The following PALM2AKAP2 variants were observed in gnomAD, a reference collection of about 807,000 sequenced individuals.
PALM2AKAP2 encodes the protein PALM2-AKAP2 fusion protein.
PALM2AKAP2 carries 37 observed loss-of-function variants against 71.5 expected under a neutral mutation model. That is an observed-to-expected ratio of 0.52 (90% CI 0.40 to 0.68). PALM2AKAP2 has a LOEUF of 0.68. Among genes scored for constraint, PALM2AKAP2 ranks in the 30% least tolerant of loss-of-function variants. The pLI is 0.00. For synonymous variants in PALM2AKAP2, 468 were observed against 478.8 expected, an observed-to-expected ratio of 0.98 and a Z score of 0.29; for missense variants, 1,224 against 1,191.8, an observed-to-expected ratio of 1.03 and a Z score of -0.40.
intron 1 of PALM2AKAP2, among the ~76,000 whole-genome samples, chr9:110,101,863 C>T (rs948263790): frequency 2.6e-5 from 4 of 152,234 alleles, no homozygotes; most frequent in South Asian, 2.1e-4. Flanking sequence ...GACCCACTTA[C>T]GAGGCAGCCT....
At chr9:109,954,131 T>G (rs949909817) in intron 6 of PALM2AKAP2, among the ~76,000 whole-genome samples, 20 of 152,074 alleles carry the variant, frequency 1.3e-4, no homozygotes, top group Non-Finnish European at 2.5e-4. Flanking sequence ...TCCTTCACCA[T>G]TCATAAAAAG....
intron 1 of PALM2AKAP2, among the ~76,000 whole-genome samples, chr9:109,680,440 G>T (rs1463044455): frequency 6.6e-6 from 1 of 152,278 alleles, no homozygotes; most frequent in Non-Finnish European, 1.5e-5. Flanking sequence ...TCAAAGAAAG[G>T]TCTCAAATGT....
At chr9:109,698,502 C>T (rs1412006964) in intron 1 of PALM2AKAP2, among the ~76,000 whole-genome samples, 1 of 152,138 alleles carries the variant, frequency 6.6e-6, no homozygotes, top group Non-Finnish European at 1.5e-5. Flanking sequence ...TGGTCTTGAA[C>T]CCCTGACCTC....
At chr9:109,887,742 A>T (rs72753081) in intron 3 of PALM2AKAP2, among the ~76,000 whole-genome samples, 10,507 of 152,238 alleles carry the variant, frequency 0.069, 506 homozygotes, top group South Asian at 0.19. Flanking sequence ...AAATAATTTT[A>T]AAAAAGTGAA....
intron 6 of PALM2AKAP2, among the ~76,000 whole-genome samples, chr9:109,981,541 T>C (rs558627142): frequency 1.1e-4 from 16 of 152,360 alleles, no homozygotes; most frequent in African/African-American, 3.8e-4. Context: ...CCAATGCTTC[T>C]GAACAGGCTA....
chr9:109,806,834 A>G (rs1827588187), intron 1 of PALM2AKAP2, among the ~76,000 whole-genome samples: 1 of 152,192 alleles, frequency 6.6e-6, no homozygotes, highest in Non-Finnish European at 1.5e-5. Context: ...GCATCTATAT[A>G]CCGTGGTAAG....
At chr9:110,049,556 T>A (rs1833668136) in intron 1 of PALM2AKAP2, among the ~76,000 whole-genome samples, 1 of 151,554 alleles carries the variant, frequency 6.6e-6, no homozygotes, top group Non-Finnish European at 1.5e-5. Context: ...GCAGTTAGAA[T>A]GTGGTATCTT....
At chr9:109,879,450 G>A (rs1033968418) in intron 2 of PALM2AKAP2, among the ~76,000 whole-genome samples, 7 of 152,212 alleles carry the variant, frequency 4.6e-5, no homozygotes, top group African/African-American at 1.2e-4. Flanking sequence ...TAGCCATGAT[G>A]TACAGGGTCA....
intron 2 of PALM2AKAP2, among the ~76,000 whole-genome samples, chr9:109,872,171 A>G (rs1349315761): frequency 2.6e-5 from 4 of 152,168 alleles, no homozygotes; most frequent in Non-Finnish European, 4.4e-5. Flanking sequence ...GTAATATTTC[A>G]TAAGACAAGA....
At chr9:110,123,163 A>G (rs996535849) in intron 1 of PALM2AKAP2, among the ~76,000 whole-genome samples, 10 of 152,212 alleles carry the variant, frequency 6.6e-5, no homozygotes, top group Non-Finnish European at 4.4e-5. Context: ...ATACAAATGC[A>G]TGGGTGTGTA....
chr9:109,975,907 T>C (rs1269465283), intron 6 of PALM2AKAP2, among the ~76,000 whole-genome samples: 1 of 152,252 alleles, frequency 6.6e-6, no homozygotes, highest in African/African-American at 2.4e-5. Flanking sequence ...TAAGCAAGTA[T>C]GTCCCATGCC....
chr9:109,987,875 G>A (rs191998549), intron 6 of PALM2AKAP2, among the ~76,000 whole-genome samples: 1 of 152,352 alleles, frequency 6.6e-6, no homozygotes, highest in Admixed American at 6.5e-5. Context: ...AGAAAAGGAA[G>A]TTTCTTCATC....
At chr9:110,100,539 G>A (rs1167365540) in intron 1 of PALM2AKAP2, among the ~76,000 whole-genome samples, 1 of 152,154 alleles carries the variant, frequency 6.6e-6, no homozygotes, top group Non-Finnish European at 1.5e-5. Context: ...AAAGGCCACT[G>A]GAAATGGAAG....
intron 2 of PALM2AKAP2, among the ~76,000 whole-genome samples, chr9:109,879,723 G>A (rs1316799359): frequency 6.8e-6 from 1 of 147,076 alleles, no homozygotes; most frequent in Non-Finnish European, 1.5e-5. Flanking sequence ...TTTTGACAGG[G>A]TCTCGTTCTA....
intron 1 of PALM2AKAP2, among the ~76,000 whole-genome samples, chr9:109,696,366 A>G (rs1379234122): frequency 6.6e-6 from 1 of 152,230 alleles, no homozygotes; most frequent in African/African-American, 2.4e-5. Context: ...TCTCATAGTA[A>G]GAGAAATGTG....
chr9:110,056,454 A>G (rs149549201), intron 1 of PALM2AKAP2, among the ~76,000 whole-genome samples: 157 of 152,368 alleles, frequency 1.0e-3, no homozygotes, highest in African/African-American at 3.7e-3. Context: ...ATATTCCAGA[A>G]AATTCAAGTA....
At chr9:109,781,616 T>A (rs1468177460) in intron 1 of PALM2AKAP2, among the ~76,000 whole-genome samples, 1 of 152,210 alleles carries the variant, frequency 6.6e-6, no homozygotes. Context: ...CACAGACCCT[T>A]CCTTTTTTAG....
At chr9:109,894,258 G>C (rs1830150356) in intron 3 of PALM2AKAP2, among the ~76,000 whole-genome samples, 1 of 152,144 alleles carries the variant, frequency 6.6e-6, no homozygotes, top group South Asian at 2.1e-4. Context: ...AGAACTGCTT[G>C]AACCCAGGAG....
At chr9:109,825,351 A>G (rs945491652) in intron 1 of PALM2AKAP2, among the ~76,000 whole-genome samples, 3 of 152,368 alleles carry the variant, frequency 2.0e-5, no homozygotes, top group African/African-American at 4.8e-5. Context: ...ACAAAAGCCA[A>G]AATTGACAAA....
Sources: gnomAD v4.1 joint callset for allele counts (sites outside exome capture counted in the v4.1 genomes callset) on GRCh38, gnomAD v4.1.1 for gene constraint, MANE v1.5 for transcripts, NCBI Gene and HGNC (gene_info 2026-07-23, HGNC 2026-07-21) for gene names.